Variants in GUCA1C observed in about 807,000 individuals in gnomAD.
The protein encoded by GUCA1C is guanylate cyclase activator 1C.
Under a neutral mutation model 16.2 loss-of-function variants are expected in GUCA1C, and 15 were observed. The observed-to-expected ratio is 0.93, with a 90% CI of 0.62 to 1.43. GUCA1C has a LOEUF of 1.43. Among genes scored for constraint, GUCA1C ranks in the 40% most tolerant of loss-of-function variants. The probability of loss-of-function intolerance (pLI) is 0.00; values close to 1 mark genes in which losing one functional copy is unlikely to be tolerated. For missense variants in GUCA1C, 275 were observed against 244.8 expected, an observed-to-expected ratio of 1.12 and a Z score of -0.82; for synonymous variants, 78 against 85.4, an observed-to-expected ratio of 0.91 and a Z score of 0.48.
At chr3:108,940,630 G>A (rs1051108769) in intron 1 of GUCA1C, among the ~76,000 whole-genome samples, 1 of 152,188 alleles carries the variant, frequency 6.6e-6, no homozygotes, top group Non-Finnish European at 1.5e-5. Context: ...TTAAAAACAA[G>A]AAATGGCAGG....
chr3:108,938,036 C>T (rs1429446140), intron 1 of GUCA1C, among the ~76,000 whole-genome samples: 1 of 151,824 alleles, frequency 6.6e-6, no homozygotes, highest in Non-Finnish European at 1.5e-5. Context: ...CACCACTGCA[C>T]TCTGATAGAG....
chr3:108,949,582 T>C (rs1946876631), intron 1 of GUCA1C, among the ~76,000 whole-genome samples: 2 of 152,166 alleles, frequency 1.3e-5, no homozygotes, highest in South Asian at 2.1e-4. Flanking sequence ...ATCTAGGGCA[T>C]TGGTCAATTA....
chr3:108,920,332 G>A (rs192552044), intron 2 of GUCA1C, 104 bp downstream of exon 2: 11 of 800,424 alleles, frequency 1.4e-5, no homozygotes, highest in Middle Eastern at 2.8e-4. Flanking sequence ...AATGTATATC[G>A]CCAAAATAGC....
intron 2 of GUCA1C, among the ~76,000 whole-genome samples, chr3:108,919,379 A>C (rs1946549306): frequency 6.6e-6 from 1 of 152,116 alleles, no homozygotes; most frequent in Non-Finnish European, 1.5e-5. Flanking sequence ...TAAAATTTAC[A>C]CGAGGTTGTG....
At chr3:108,917,302 A>T (rs756998463) in intron 2 of GUCA1C, among the ~76,000 whole-genome samples, 18 of 152,184 alleles carry the variant, frequency 1.2e-4, no homozygotes, top group Non-Finnish European at 2.2e-4. Flanking sequence ...CATGATAAAA[A>T]ATTGTGAGAT....
chr3:108,940,286 G>T (rs1946772879), intron 1 of GUCA1C, among the ~76,000 whole-genome samples: 1 of 152,180 alleles, frequency 6.6e-6, no homozygotes, highest in African/African-American at 2.4e-5. Context: ...TGGTCACCTT[G>T]TAGGCCAGAA....
intron 1 of GUCA1C, among the ~76,000 whole-genome samples, chr3:108,934,596 G>T (rs1946702641): frequency 6.6e-6 from 1 of 152,122 alleles, no homozygotes; most frequent in African/African-American, 2.4e-5. Flanking sequence ...ACTCACAATA[G>T]CAAAGACAAG....
chr3:108,932,328 AAAAAAAAAAAAC>A (rs1236716210), intron 1 of GUCA1C, among the ~76,000 whole-genome samples: 7 of 117,548 alleles, frequency 6.0e-5, no homozygotes, highest in Non-Finnish European at 1.2e-4. Context: ...CCCACCAAAA[AAAAAAAAAAAAC>A]AAAAAAAAAA....
At chr3:108,936,142 G>A (rs1202241471) in intron 1 of GUCA1C, among the ~76,000 whole-genome samples, 1 of 152,100 alleles carries the variant, frequency 6.6e-6, no homozygotes, top group African/African-American at 2.4e-5. Context: ...GTGTGCACCT[G>A]TAGTCCCAGC....
At chr3:108,945,510 T>C (rs544202231) in intron 1 of GUCA1C, among the ~76,000 whole-genome samples, 3 of 152,350 alleles carry the variant, frequency 2.0e-5, no homozygotes, top group Admixed American at 6.5e-5. Context: ...ATTTTAATAA[T>C]GGAATGGACG....
chr3:108,955,009 G>A (rs1324690711), upstream of GUCA1C, among the ~76,000 whole-genome samples: 3 of 152,090 alleles, frequency 2.0e-5, no homozygotes, highest in African/African-American at 7.2e-5. Context: ...TGGGATTACA[G>A]GCACAAGTCA....
chr3:108,918,751 G>A (rs1006675848), intron 2 of GUCA1C, among the ~76,000 whole-genome samples: 1 of 152,114 alleles, frequency 6.6e-6, no homozygotes. Context: ...TATGCAGAGA[G>A]AACTTAGATT....
At chr3:108,915,527 G>C (rs1946499685) in intron 3 of GUCA1C, among the ~76,000 whole-genome samples, 1 of 152,080 alleles carries the variant, frequency 6.6e-6, no homozygotes, top group Non-Finnish European at 1.5e-5. Flanking sequence ...GAAGAAGAAA[G>C]GTACCTCCTC....
At chr3:108,928,318 G>A (rs1201466894) in intron 1 of GUCA1C, among the ~76,000 whole-genome samples, 3 of 152,116 alleles carry the variant, frequency 2.0e-5, no homozygotes, top group Non-Finnish European at 4.4e-5. Context: ...TTGAGTTTTA[G>A]GAGTTCTTTT....
chr3:108,947,016 A>G (rs1055301642), intron 1 of GUCA1C, among the ~76,000 whole-genome samples: 2 of 152,246 alleles, frequency 1.3e-5, no homozygotes, highest in African/African-American at 4.8e-5. Flanking sequence ...AAAAGAGTAG[A>G]TTTTAAATGT....
intron 1 of GUCA1C, among the ~76,000 whole-genome samples, chr3:108,934,018 T>C (rs1356855976): frequency 6.6e-6 from 1 of 152,176 alleles, no homozygotes. Context: ...TGAGTTCATG[T>C]CCTTTGCAGG....
At chr3:108,915,502 T>C (rs1047203079) in intron 3 of GUCA1C, among the ~76,000 whole-genome samples, 2 of 152,128 alleles carry the variant, frequency 1.3e-5, no homozygotes, top group Admixed American at 6.5e-5. Context: ...GTCTTCTCTC[T>C]TCACTCCTAC....
At chr3:108,935,143 TG>T (rs1478779294) in intron 1 of GUCA1C, among the ~76,000 whole-genome samples, 1 of 151,898 alleles carries the variant, frequency 6.6e-6, no homozygotes, top group African/African-American at 2.4e-5. Flanking sequence ...AGCTAAACGT[TG>T]GGTACTCATG....
chr3:108,928,064 T>C (rs1946637693), intron 1 of GUCA1C, among the ~76,000 whole-genome samples: 1 of 152,230 alleles, frequency 6.6e-6, no homozygotes, highest in Admixed American at 6.5e-5. Flanking sequence ...TTGTGATCTG[T>C]CTTCAGGCTT....
Sources: allele counts gnomAD v4.1 joint callset (sites outside exome capture counted in the v4.1 genomes callset), GRCh38; gene constraint gnomAD v4.1.1; transcripts MANE v1.5; gene names NCBI Gene and HGNC (gene_info 2026-07-23, HGNC 2026-07-21).